Variants in ITSN1 observed in about 807,000 individuals in gnomAD.
ITSN1 encodes the protein intersectin-1.
ITSN1 carries 58 observed loss-of-function variants against 239.8 expected under a neutral mutation model. The observed-to-expected ratio is 0.24, with a 90% CI of 0.20 to 0.30. The LOEUF (loss-of-function observed/expected upper bound fraction) is 0.30, where lower values mean the gene tolerates loss of function less well. Among genes scored for constraint, ITSN1 ranks in the 10% least tolerant of loss-of-function variants. The pLI, the probability that ITSN1 is intolerant of heterozygous loss-of-function variation, is 1.00. For synonymous variants in ITSN1, 780 were observed against 770.8 expected, an observed-to-expected ratio of 1.01 and a Z score of -0.20; for missense variants, 1,558 against 2,103.3, an observed-to-expected ratio of 0.74 and a Z score of 5.07.
In ITSN1 at chr21:33,765,904, A is replaced by T; in HGVS notation, c.818A>T (p.Lys273Ile). 6.2e-7 allele frequency: 1 copy of T among 1,614,176 alleles called. No individual in the cohort carries two copies. The highest frequency in any genetic ancestry group is 8.5e-7 in the Non-Finnish European group (1 of 1,180,020). ...WNLSDIDQDG[K>I]LTAEEFILAM... Reference sequence around the variant, plus strand: ...CTTTCTGACATTGATCAAGATGGAAAACTTACAGCAGAGGAATTTATCCTG... The same window carrying T: ...CTTTCTGACATTGATCAAGATGGAATACTTACAGCAGAGGAATTTATCCTG... Residue 273 changes from lysine (K) to isoleucine (I), a missense_variant, in exon 10 of 40, where the codon AAA becomes ATA. By Grantham distance (102) the Lys-to-Ile change is moderately radical. This residue lies in a region of ITSN1 where 982 missense variants were observed against 1,209.9 expected (regional missense o/e 0.81). Coordinates refer to ENST00000381318, the MANE Select transcript of ITSN1 (RefSeq NM_003024.3).
At chr21:33,695,567 G>C (rs768450321) in intron 1 of ITSN1, among the ~76,000 whole-genome samples, 8 of 152,206 alleles carry the variant, frequency 5.3e-5, no homozygotes, top group Non-Finnish European at 1.0e-4. Context: ...AGTGAAATTT[G>C]AATGTGCAAA....
chr21:33,790,878 G>C (rs1245702459), intron 16 of ITSN1, among the ~76,000 whole-genome samples: 1 of 152,012 alleles, frequency 6.6e-6, no homozygotes, highest in East Asian at 1.9e-4. Context: ...TTTTCTTTCT[G>C]AAGGAGTTAA....
At chr21:33,648,472 G>C (rs1316439525) in intron 1 of ITSN1, among the ~76,000 whole-genome samples, 1 of 152,130 alleles carries the variant, frequency 6.6e-6, no homozygotes, top group African/African-American at 2.4e-5. Context: ...GAGGTTCTCT[G>C]ACATGTACTA....
intron 16 of ITSN1, among the ~76,000 whole-genome samples, chr21:33,786,752 G>A (rs1376809346): frequency 1.3e-5 from 2 of 152,154 alleles, no homozygotes; most frequent in Admixed American, 6.5e-5. Flanking sequence ...AGTCCTTGTT[G>A]GTTCCTGTCT....
At chr21:33,654,998 T>G (rs1336809535) in intron 1 of ITSN1, among the ~76,000 whole-genome samples, 1 of 152,216 alleles carries the variant, frequency 6.6e-6, no homozygotes, top group Non-Finnish European at 1.5e-5. Flanking sequence ...ATATTCTTTT[T>G]ATGATACTAC....
intron 8 of ITSN1, among the ~76,000 whole-genome samples, chr21:33,758,703 A>T (rs1407134803): frequency 2.0e-5 from 3 of 152,224 alleles, no homozygotes; most frequent in Admixed American, 2.0e-4. Context: ...TTAATCAGAA[A>T]AGCTAAAGTC....
intron 7 of ITSN1, among the ~76,000 whole-genome samples, chr21:33,753,729 T>G (rs909806706): frequency 7.3e-6 from 1 of 136,166 alleles, no homozygotes; most frequent in African/African-American, 2.9e-5. Context: ...GGCATTGCAT[T>G]CCAGCCTGGG....
intron 22 of ITSN1, chr21:33,817,297 C>T: frequency 7.7e-7 from 1 of 1,304,398 alleles, no homozygotes; most frequent in Non-Finnish European, 1.0e-6. Flanking sequence ...GCTTCTCTTC[C>T]CGGACCCCCT....
chr21:33,694,252 C>G (rs925510799), intron 1 of ITSN1, among the ~76,000 whole-genome samples: 1 of 152,148 alleles, frequency 6.6e-6, no homozygotes, highest in Admixed American at 6.5e-5. Context: ...GTGTCAAACT[C>G]CTGGGCTCAA....
At chr21:33,872,066 G>C (rs920060822) in intron 33 of ITSN1, among the ~76,000 whole-genome samples, 1 of 152,188 alleles carries the variant, frequency 6.6e-6, no homozygotes, top group African/African-American at 2.4e-5. Context: ...ACACTCACAG[G>C]TAATAAAAGA....
chr21:33,866,180 C>T (rs1364373340), intron 32 of ITSN1, among the ~76,000 whole-genome samples: 1 of 152,186 alleles, frequency 6.6e-6, no homozygotes, highest in Non-Finnish European at 1.5e-5. Context: ...AGCGCAGCCT[C>T]TTCTTGGTCA....
intron 29 of ITSN1, among the ~76,000 whole-genome samples, chr21:33,841,430 G>A (rs1180035055): frequency 1.3e-5 from 2 of 152,128 alleles, no homozygotes; most frequent in Admixed American, 6.5e-5. Context: ...GAAATCAACC[G>A]GTGACTATAG....
chr21:33,814,284 C>T (rs956012615), intron 22 of ITSN1: 15 of 535,038 alleles, frequency 2.8e-5, no homozygotes, highest in East Asian at 1.2e-4. Context: ...CTTCTCCTGC[C>T]TGGGTTGATG....
rs1180081010 is a variant in ITSN1, at chr21:33,894,904, G to A, written c.*6604G>A. On this transcript the variant is annotated 3_prime_UTR_variant, in exon 40 of 40. Coordinates refer to ENST00000381318, the MANE Select transcript of ITSN1 (RefSeq NM_003024.3). ...GGTGGAGGGTCTCCCTGTAGGAGGA[G>A]GAAACTCGCTGTTTTCACTGGCAGA... 1 of 152,262 alleles carries A rather than the reference G, an allele frequency of 6.6e-6. No homozygotes were observed. Among genetic ancestry groups the A allele is most frequent in the Non-Finnish European group, 1.5e-5 (1 of 68,074 alleles). 9.4% of individuals were successfully genotyped at this position (152,262 alleles called of 1,614,324 possible). A position where few individuals can be genotyped will look rare whatever the true frequency, so the allele number is the denominator to read the frequency against.
chr21:33,884,913 C>CT, intron 36 of ITSN1, 128 bp from the exon 37 acceptor site: 1 of 684,270 alleles, frequency 1.5e-6, no homozygotes. Context: ...ATCAGATTTT[C>CT]TTTCCCGAGC....
chr21:33,790,832 T>C (rs2071070543), intron 16 of ITSN1, among the ~76,000 whole-genome samples: 1 of 152,228 alleles, frequency 6.6e-6, no homozygotes, highest in South Asian at 2.1e-4. Flanking sequence ...AGATATGTAA[T>C]TTAATGGCAC....
intron 25 of ITSN1, among the ~76,000 whole-genome samples, chr21:33,824,210 G>T (rs77688463): frequency 1.3e-5 from 2 of 152,126 alleles, no homozygotes; most frequent in African/African-American, 4.8e-5. Flanking sequence ...GCTGTTATCC[G>T]TATGAATTGG....
chr21:33,671,796 AAAT>A (rs2090302991), intron 1 of ITSN1, among the ~76,000 whole-genome samples: 1 of 151,788 alleles, frequency 6.6e-6, no homozygotes, highest in African/African-American at 2.4e-5. Context: ...CGTCTCAAAT[AAAT>A]AAATAAATAA....
intron 1 of ITSN1, among the ~76,000 whole-genome samples, chr21:33,703,271 A>G (rs941506485): frequency 2.6e-5 from 4 of 152,006 alleles, no homozygotes; most frequent in Non-Finnish European, 5.9e-5. Flanking sequence ...CTACTTATCT[A>G]TATCAACATT....
Sources: gnomAD v4.1 joint callset for allele counts (sites outside exome capture counted in the v4.1 genomes callset) on GRCh38, gnomAD v4.1.1 for gene constraint, gnomAD v4.1.1 regional missense constraint, MANE v1.5 for transcripts, NCBI Gene and HGNC (gene_info 2026-07-23, HGNC 2026-07-21) for gene names.